The following TTC7B variants were observed in gnomAD, a reference collection of about 807,000 sequenced individuals.
TTC7B encodes tetratricopeptide repeat domain 7B, also known as tetratricopeptide repeat protein 7B.
Under a neutral mutation model 106.8 loss-of-function variants are expected in TTC7B, and 28 were observed. The observed-to-expected ratio is 0.26, with a 90% CI of 0.19 to 0.36. The LOEUF is 0.36. Ranked by LOEUF, TTC7B falls within the 10% of genes least tolerant of loss-of-function variation. The probability of loss-of-function intolerance (pLI) is 1.00; values close to 1 mark genes in which losing one functional copy is unlikely to be tolerated. For missense variants in TTC7B, 862 were observed against 1,076.4 expected (o/e 0.80, Z 2.79); for synonymous variants, 405 against 430.6 (o/e 0.94, Z 0.74).
intron 1 of TTC7B, among the ~76,000 whole-genome samples, chr14:90,796,965 C>G (rs1192324267): frequency 6.6e-6 from 1 of 151,470 alleles, no homozygotes; most frequent in Non-Finnish European, 1.5e-5. Context: ...CCTGCCTCAG[C>G]CTCCCGAGTA....
chr14:90,762,856 G>A (rs533291571), intron 3 of TTC7B, among the ~76,000 whole-genome samples: 1 of 152,286 alleles, frequency 6.6e-6, no homozygotes, highest in South Asian at 2.1e-4. Context: ...AGCAAGTAAA[G>A]GCTATTAAAA....
At chr14:90,652,575 C>A (rs577610673) in intron 13 of TTC7B, among the ~76,000 whole-genome samples, 2 of 151,104 alleles carry the variant, frequency 1.3e-5, no homozygotes, top group East Asian at 3.9e-4. Context: ...CCTTGGCATA[C>A]AAAATACCTA....
rs1890120812 is a variant in TTC7B, at chr14:90,552,337, G to A, written c.2311-10748C>T. 2.6e-5 allele frequency among the ~76,000 whole-genome samples: 4 copies of A among 152,226 alleles called. 1 individual carries two copies. The South Asian group carries it at 8.3e-4, about 31-fold the overall frequency. On this transcript the variant is annotated intron_variant, in intron 19 of 19. Transcript: ENST00000328459. ...GGTCACAAGTTCTGGGCAGGGGCAG[G>A]TGTGGGGCTGGTTTACTCATCTGGC...
intron 3 of TTC7B, among the ~76,000 whole-genome samples, chr14:90,745,849 C>T (rs1043628507): frequency 1.3e-5 from 2 of 151,732 alleles, no homozygotes; most frequent in Non-Finnish European, 2.9e-5. Flanking sequence ...GGACTACGGG[C>T]GCATTCCACC....
At position 90,816,212 on chromosome 14, in the gene TTC7B, C is replaced by T. The variant is rs749757533; in HGVS notation, c.84G>A (p.Glu28=). The T allele has an allele frequency of 3.9e-6, 5 of 1,273,946 alleles. No homozygotes were observed. The highest frequency in any genetic ancestry group is 6.4e-5 in the East Asian group (1 of 15,600). The allele number at this position is 1,273,946 out of a possible 1,614,324, so 78.9% of individuals were successfully genotyped here. A position where few individuals can be genotyped will look rare whatever the true frequency, so the allele number is the denominator to read the frequency against. ...GCTTGGCCGACAGCTGCTTGACGAG[C>T]TCAGGGATCCGCTCCCACTGGCACT... ...RSECQWERIP[E]LVKQLSAKLI... Residue 28 remains glutamate, a synonymous_variant, in exon 1 of 20, where the codon GAG becomes GAA. Transcript: ENST00000328459.
At chr14:90,740,031 T>C (rs956432260) in intron 4 of TTC7B, among the ~76,000 whole-genome samples, 1 of 152,262 alleles carries the variant, frequency 6.6e-6, no homozygotes, top group African/African-American at 2.4e-5. Flanking sequence ...TTATTTTATA[T>C]GCTCAATTTT....
At chr14:90,720,614 C>T (rs982141849) in intron 5 of TTC7B, among the ~76,000 whole-genome samples, 3 of 152,142 alleles carry the variant, frequency 2.0e-5, no homozygotes, top group Non-Finnish European at 2.9e-5. Context: ...AAAATACTGC[C>T]GTCTGATAAG....
intron 14 of TTC7B, 71 bp from the exon 15 acceptor site, chr14:90,644,279 A>ACACG (rs1276034848): frequency 7.7e-4 from 733 of 948,922 alleles, no homozygotes; most frequent in East Asian, 5.8e-3. Flanking sequence ...ACACACACAC[A>ACACG]CGCGCGAAAG....
intron 18 of TTC7B, 111 bp downstream of exon 18, chr14:90,593,375 G>A: frequency 1.4e-6 from 2 of 1,412,348 alleles, no homozygotes; most frequent in East Asian, 2.5e-5. Flanking sequence ...TCCTAATGAG[G>A]GGTGTGGGCT....
At chr14:90,813,056 C>T (rs2030988022) in intron 1 of TTC7B, among the ~76,000 whole-genome samples, 1 of 152,042 alleles carries the variant, frequency 6.6e-6, no homozygotes, top group Admixed American at 6.6e-5. Context: ...AAGCCAAAGC[C>T]TTACCCTCGG....
At chr14:90,773,709 T>G (rs1189628811) in intron 3 of TTC7B, among the ~76,000 whole-genome samples, 1 of 152,200 alleles carries the variant, frequency 6.6e-6, no homozygotes, top group Non-Finnish European at 1.5e-5. Context: ...TCATGCAGTT[T>G]CCAGTGCCCG....
At chr14:90,658,590 T>C (rs8005454) in intron 9 of TTC7B, among the ~76,000 whole-genome samples, 35,141 of 152,146 alleles carry the variant, frequency 0.23, 4,181 homozygotes, top group African/African-American at 0.29. Context: ...CAGGACAACC[T>C]ACAACTGACC....
At chr14:90,566,777 T>TTAGC (rs1162709283) in intron 19 of TTC7B, among the ~76,000 whole-genome samples, 1 of 152,098 alleles carries the variant, frequency 6.6e-6, no homozygotes, top group African/African-American at 2.4e-5. Context: ...AGGCTCCCCT[T>TTAGC]TAGCTAAGGA....
At chr14:90,687,437 C>CAG (rs1887289140) in intron 7 of TTC7B, among the ~76,000 whole-genome samples, 1 of 152,174 alleles carries the variant, frequency 6.6e-6, no homozygotes. Context: ...GTGAGCTTCT[C>CAG]TGCCTTCAAG....
intron 19 of TTC7B, among the ~76,000 whole-genome samples, chr14:90,557,047 C>T (rs1289943637): frequency 2.0e-5 from 3 of 152,132 alleles, no homozygotes; most frequent in Non-Finnish European, 4.4e-5. Context: ...GGGGAGGCTT[C>T]CTGGGAGCCC....
chr14:90,781,370 G>A (rs1487431608), intron 2 of TTC7B, among the ~76,000 whole-genome samples: 1 of 152,144 alleles, frequency 6.6e-6, no homozygotes, highest in East Asian at 1.9e-4. Context: ...TTGTGGTGAT[G>A]GTTGCACAAC....
intron 9 of TTC7B, among the ~76,000 whole-genome samples, chr14:90,672,056 G>A (rs940478578): frequency 2.6e-5 from 4 of 152,198 alleles, no homozygotes; most frequent in South Asian, 4.1e-4. Flanking sequence ...CAGCAGAGGC[G>A]CCCCCACCCT....
chr14:90,723,662 T>A (rs1020766430), intron 5 of TTC7B, among the ~76,000 whole-genome samples: 1 of 152,156 alleles, frequency 6.6e-6, no homozygotes, highest in Non-Finnish European at 1.5e-5. Context: ...CAATGTCACC[T>A]CCTCCGGAGA....
chr14:90,612,289 T>C (rs1007189867), intron 16 of TTC7B, among the ~76,000 whole-genome samples: 3 of 152,174 alleles, frequency 2.0e-5, no homozygotes, highest in Non-Finnish European at 2.9e-5. Flanking sequence ...TACATGCAAA[T>C]TTTCACTCAT....
Sources: allele counts gnomAD v4.1 joint callset (sites outside exome capture counted in the v4.1 genomes callset), GRCh38; gene constraint gnomAD v4.1.1; transcripts MANE v1.5; gene names NCBI Gene and HGNC (gene_info 2026-07-23, HGNC 2026-07-21).